PCDHGB1: variants seen among roughly 807,000 people sequenced by gnomAD.
PCDHGB1 encodes protocadherin gamma-B1.
Under a neutral mutation model 56.6 loss-of-function variants are expected in PCDHGB1, and 34 were observed. The ratio of observed to expected loss-of-function variants is 0.60; its 90% CI spans 0.46 to 0.80. The LOEUF is 0.80. Among genes scored for constraint, PCDHGB1 ranks in the 30% least tolerant of loss-of-function variants. The pLI, the probability that PCDHGB1 is intolerant of heterozygous loss-of-function variation, is 0.00. For synonymous variants in PCDHGB1, 561 were observed against 505.9 expected (o/e 1.11, Z -1.46); for missense variants, 1,278 against 1,204.6 (o/e 1.06, Z -0.90).
At chr5:141,390,506 T>A in intron 1 of PCDHGB1, 1 of 598,006 alleles carries the variant, frequency 1.7e-6, no homozygotes, top group Non-Finnish European at 2.9e-6. Context: ...CAAGCTTAGA[T>A]TTATAAAGCA....
intron 1 of PCDHGB1, chr5:141,362,316 T>C: frequency 1.2e-6 from 2 of 1,614,050 alleles, no homozygotes; most frequent in Non-Finnish European, 1.7e-6. Flanking sequence ...GGGACTGTTT[T>C]CAGCCTGGTC....
intron 1 of PCDHGB1, chr5:141,419,396 G>A (rs772000806): frequency 3.7e-6 from 6 of 1,613,600 alleles, no homozygotes; most frequent in Admixed American, 1.7e-5. Flanking sequence ...GCAGAGCGGG[G>A]TGGTGTTCGC....
chr5:141,372,451 C>A (rs749000608), intron 1 of PCDHGB1: 1 of 1,614,042 alleles, frequency 6.2e-7, no homozygotes, highest in East Asian at 2.2e-5. Context: ...GACCCTCAGG[C>A]GGAGCTACAG....
chr5:141,421,473 C>T (rs907282414), intron 1 of PCDHGB1: 10 of 1,613,994 alleles, frequency 6.2e-6, no homozygotes, highest in Middle Eastern at 1.6e-4. Context: ...ATCCGCGAAG[C>T]GGCAGCTTGA....
At chr5:141,364,423 C>A (rs773799474) in intron 1 of PCDHGB1, 1 of 1,613,592 alleles carries the variant, frequency 6.2e-7, no homozygotes, top group Non-Finnish European at 8.5e-7. Context: ...CCGGGCAGAT[C>A]CGCTACTCGA....
intron 1 of PCDHGB1, chr5:141,427,902 C>G: frequency 6.4e-7 from 1 of 1,573,742 alleles, no homozygotes; most frequent in South Asian, 1.1e-5. Flanking sequence ...CTCGCCCGCG[C>G]TCAGCGCCAA....
Position 141,370,644 on chromosome 5 carries a change from T to A in PCDHGB1, c.2409+17975T>A, listed in dbSNP as rs758086721. The A allele has an allele frequency of 5.6e-6, 9 of 1,613,802 alleles. No homozygotes were observed. The highest frequency in any genetic ancestry group is 7.6e-6 in the Non-Finnish European group (9 of 1,179,900). On this transcript the variant is annotated intron_variant, in intron 1 of 3. Transcript: ENST00000523390. ...TACCGTGAGCCCCGAAAATGGGAAC[T>A]TACTTGTGAGCGACCGTATAGACCG... is the stretch of plus-strand genomic sequence containing the variant.
In PCDHGB1 at chr5:141,491,722, C is replaced by T. The variant is rs1276921909; in HGVS notation, c.2410-3085C>T. ...CCAGGTGAGGGGCTCGGCGCCGCCC[C>T]GGGCGACCCCTGGGGGCGGCACTGG... On this transcript the variant is annotated intron_variant, in intron 1 of 3. Coordinates refer to ENST00000523390, the MANE Select transcript of PCDHGB1 (RefSeq NM_018922.3). This position sits in a 1 kb window ranked among gnomAD's most constrained non-coding sequence, Gnocchi z 6.9. The T allele has an allele frequency of 6.2e-7, 1 of 1,607,004 alleles. No homozygotes were observed.
At chr5:141,365,306 G>C in intron 1 of PCDHGB1, 1 of 1,613,976 alleles carries the variant, frequency 6.2e-7, no homozygotes, top group South Asian at 1.1e-5. Context: ...GGATGGAGGC[G>C]CTCTTGTTGC....
chr5:141,383,268 A>C (rs773903039), intron 1 of PCDHGB1: 1 of 1,613,816 alleles, frequency 6.2e-7, no homozygotes, highest in Non-Finnish European at 8.5e-7. Context: ...ACGTGGAAAT[A>C]ATAGATATTA....
intron 1 of PCDHGB1, among the ~76,000 whole-genome samples, chr5:141,446,698 G>A (rs750413432): frequency 2.0e-5 from 3 of 152,186 alleles, no homozygotes; most frequent in Admixed American, 6.5e-5. Flanking sequence ...GGCTGGTCTC[G>A]AACTCTGATC....
Position 141,490,931 on chromosome 5 carries a change from T to C in PCDHGB1, c.2410-3876T>C. 1 of 1,613,780 alleles carries C rather than the reference T, an allele frequency of 6.2e-7. No individual in the cohort carries two copies. Among genetic ancestry groups the C allele is most frequent in the East Asian group, 2.2e-5 (1 of 44,872 alleles). ...GACGAGAATGATAATGCCCCAGCTG[T>C]GCTGCACCCACGGCCAGACTGGGAA... On this transcript the variant is annotated intron_variant, in intron 1 of 3. Transcript: ENST00000523390. This position sits in a 1 kb window ranked among gnomAD's most constrained non-coding sequence, Gnocchi z 5.4.
chr5:141,355,945 G>T (rs372381838), intron 1 of PCDHGB1: 3 of 1,613,848 alleles, frequency 1.9e-6, no homozygotes, highest in East Asian at 2.2e-5. Flanking sequence ...CGAGTACCAC[G>T]TAAGTGTTCG....
Position 141,352,452 on chromosome 5 carries a change from C to G in PCDHGB1, c.2192C>G (p.Ser731Cys). ...TTTCAAACCGGTCTCTGCTCCAAGT[C>G]TGGGCCCGGGGTTCCTCCCAACCAC... The part of the protein sequence containing the change: ...GCFQTGLCSK[S>C]GPGVPPNHSE... The change falls in exon 1 of 4, where the codon TCT (serine) becomes TGT (cysteine). Residue 731 changes from serine to cysteine, a missense_variant. By Grantham distance (112) the Ser-to-Cys change is moderately radical. Coordinates refer to ENST00000523390, the MANE Select transcript of PCDHGB1 (RefSeq NM_018922.3). 6.2e-7 allele frequency: 1 copy of G among 1,614,056 alleles called. No individual in the cohort carries two copies. Among genetic ancestry groups the G allele is most frequent in the Non-Finnish European group, 8.5e-7 (1 of 1,179,906 alleles).
chr5:141,415,101 C>T, intron 1 of PCDHGB1: 1 of 1,613,550 alleles, frequency 6.2e-7, no homozygotes, highest in South Asian at 1.1e-5. Context: ...GAGACGCGCT[C>T]AAGCAAAGCC....
At chr5:141,367,332 A>T (rs957450702) in intron 1 of PCDHGB1, 3 of 152,294 alleles carry the variant, frequency 2.0e-5, no homozygotes, top group African/African-American at 4.8e-5. Flanking sequence ...AGGTCAGGAG[A>T]TCGAGACCAT....
In PCDHGB1 at chr5:141,356,625, T is replaced by C. The variant is rs763961659; in HGVS notation, c.2409+3956T>C. 15 of 1,614,096 alleles carry C rather than the reference T, an allele frequency of 9.3e-6. No homozygotes were observed. The Middle Eastern group carries it at 4.9e-4, about 53-fold the overall frequency. ...GAGGAGCCTCCATCTTATCTATGAC[T>C]GCTCAAGACCCTGACAGTGGTGACA... On this transcript the variant is annotated intron_variant, in intron 1 of 3. Transcript: ENST00000523390.
In PCDHGB1 at chr5:141,431,354, G is replaced by T. The variant is rs777198567; in HGVS notation, c.2410-63453G>T. The T allele has an allele frequency of 1.9e-6, 3 of 1,614,036 alleles. No individual in the cohort carries two copies. In the South Asian group the frequency reaches 3.3e-5, roughly 18 times the overall value. ...GTACCCCGAATTGGTGCTGAAACGC[G>T]CCCTGGACCGCGAAGAAAAGGCTGC... On this transcript the variant is annotated intron_variant, in intron 1 of 3. Coordinates refer to ENST00000523390, the MANE Select transcript of PCDHGB1 (RefSeq NM_018922.3). This position sits in a 1 kb window ranked among gnomAD's most constrained non-coding sequence, Gnocchi z 4.8.
intron 1 of PCDHGB1, chr5:141,419,541 G>A: frequency 6.2e-7 from 1 of 1,612,076 alleles, no homozygotes; most frequent in Non-Finnish European, 8.5e-7. Context: ...AACGCACCGC[G>A]GGTGCTGTAC....
Sources: allele counts gnomAD v4.1 joint callset (sites outside exome capture counted in the v4.1 genomes callset), GRCh38; gene constraint gnomAD v4.1.1; non-coding constraint Gnocchi (gnomAD v3.1); transcripts MANE v1.5; gene names NCBI Gene and HGNC (gene_info 2026-07-23, HGNC 2026-07-21).